MARCHF1: variants seen among roughly 807,000 people sequenced by gnomAD.
MARCHF1 encodes membrane associated ring-CH-type finger 1.
In MARCHF1, 40 loss-of-function variants were observed where a neutral mutation model predicts 54.2. The observed-to-expected ratio is 0.74, with a 90% confidence interval of 0.57 to 0.96. MARCHF1 has a LOEUF of 0.96. Ranked by LOEUF, MARCHF1 falls within the 40% of genes least tolerant of loss-of-function variation. The probability of loss-of-function intolerance (pLI) is 0.00; values close to 1 mark genes in which losing one functional copy is unlikely to be tolerated. For missense variants in MARCHF1, 586 were observed against 656.5 expected, an observed-to-expected ratio of 0.89 and a Z score of 1.17; for synonymous variants, 236 against 236.3, an observed-to-expected ratio of 1.00 and a Z score of 0.01.
chr4:164,097,520 T>G (rs1306653838), intron 2 of MARCHF1, among the ~76,000 whole-genome samples: 3 of 152,216 alleles, frequency 2.0e-5, no homozygotes, highest in Non-Finnish European at 2.9e-5. Context: ...TGCCTAGATC[T>G]TGTTAAGTTT....
chr4:163,529,445 G>T (rs2110855310), intron 9 of MARCHF1, among the ~76,000 whole-genome samples: 1 of 152,128 alleles, frequency 6.6e-6, no homozygotes, highest in Non-Finnish European at 1.5e-5. Flanking sequence ...CTTCTAAGAA[G>T]ATGAGGTATA....
At chr4:163,629,805 C>T (rs184695283) in intron 5 of MARCHF1, among the ~76,000 whole-genome samples, 15 of 152,288 alleles carry the variant, frequency 9.8e-5, no homozygotes, top group Non-Finnish European at 1.8e-4. Flanking sequence ...ACGTTCTGCA[C>T]ATGCATCCCA....
chr4:164,068,592 G>A (rs547901209), intron 2 of MARCHF1, among the ~76,000 whole-genome samples: 2 of 152,266 alleles, frequency 1.3e-5, no homozygotes, highest in African/African-American at 4.8e-5. Flanking sequence ...GCCTCCCTGC[G>A]GGGCAGCACT....
chr4:163,970,245 T>C (rs1026574907), intron 3 of MARCHF1, among the ~76,000 whole-genome samples: 1 of 152,220 alleles, frequency 6.6e-6, no homozygotes, highest in African/African-American at 2.4e-5. Context: ...AACCTCTATT[T>C]TTACTGCAAT....
At chr4:163,727,139 C>T (rs546995387) in intron 4 of MARCHF1, among the ~76,000 whole-genome samples, 142 of 152,122 alleles carry the variant, frequency 9.3e-4, no homozygotes, top group African/African-American at 3.3e-3. Context: ...AAAGTCATCA[C>T]CAAACCTAAG....
chr4:163,896,780 G>A (rs1055724114), intron 3 of MARCHF1, among the ~76,000 whole-genome samples: 1 of 152,302 alleles, frequency 6.6e-6, no homozygotes, highest in East Asian at 1.9e-4. Flanking sequence ...GCAATGATAA[G>A]CCTCTTTTCC....
chr4:163,982,316 T>C (rs1482178184), intron 3 of MARCHF1, among the ~76,000 whole-genome samples: 1 of 152,220 alleles, frequency 6.6e-6, no homozygotes, highest in African/African-American at 2.4e-5. Flanking sequence ...AGTGTCAGAT[T>C]CACACCTGCT....
At chr4:164,201,955 G>A (rs1236514808) in intron 1 of MARCHF1, among the ~76,000 whole-genome samples, 3 of 152,126 alleles carry the variant, frequency 2.0e-5, no homozygotes, top group African/African-American at 7.2e-5. Flanking sequence ...GATACTTTAT[G>A]TTTCTACTCA....
At chr4:164,029,416 T>C (rs1753831663) in intron 2 of MARCHF1, among the ~76,000 whole-genome samples, 1 of 151,730 alleles carries the variant, frequency 6.6e-6, no homozygotes, top group Non-Finnish European at 1.5e-5. Flanking sequence ...AAGGGAGAAA[T>C]CTGCCCCCAT....
intron 1 of MARCHF1, among the ~76,000 whole-genome samples, chr4:164,314,758 T>C (rs1734953250): frequency 6.6e-6 from 1 of 152,224 alleles, no homozygotes. Context: ...CTATTATTTC[T>C]TAGTTGTATA....
At chr4:163,994,979 T>C (rs1753046384) in intron 2 of MARCHF1, among the ~76,000 whole-genome samples, 1 of 152,088 alleles carries the variant, frequency 6.6e-6, no homozygotes, top group African/African-American at 2.4e-5. Flanking sequence ...GTAGGTTTTT[T>C]TCCCCACATA....
intron 2 of MARCHF1, among the ~76,000 whole-genome samples, chr4:164,030,359 T>G (rs1219374167): frequency 2.0e-5 from 3 of 152,172 alleles, no homozygotes; most frequent in Non-Finnish European, 2.9e-5. Context: ...GAAGCATTTT[T>G]AATATTCTTC....
At chr4:164,247,749 A>G (rs1044000389) in intron 1 of MARCHF1, among the ~76,000 whole-genome samples, 20 of 150,812 alleles carry the variant, frequency 1.3e-4, no homozygotes, top group Non-Finnish European at 2.7e-4. Flanking sequence ...GGTCATGGCT[A>G]AAGGTAACTG....
chr4:164,149,924 C>A (rs1178059446), intron 1 of MARCHF1, among the ~76,000 whole-genome samples: 1 of 152,058 alleles, frequency 6.6e-6, no homozygotes, highest in East Asian at 1.9e-4. Context: ...TCAGGGCTGG[C>A]CCACATGAAA....
Position 163,833,161 on chromosome 4 carries a change from G to A in MARCHF1, c.111+20860C>T, listed in dbSNP as rs576149791. 4.6e-5 allele frequency among the ~76,000 whole-genome samples: 7 copies of A among 152,172 alleles called. No homozygotes were observed. In the East Asian group the frequency reaches 5.8e-4, roughly 13 times the overall value. On this transcript the variant is annotated intron_variant, in intron 4 of 9. Transcript: ENST00000514618. ...TCTAGTTCTAGATCCCTGAGGAATC[G>A]CCACGCTGACTTCCACAATGGTTGA...
intron 8 of MARCHF1, among the ~76,000 whole-genome samples, chr4:163,553,634 T>C (rs1036252631): frequency 6.6e-6 from 1 of 152,240 alleles, no homozygotes; most frequent in Admixed American, 6.5e-5. Context: ...TAGGTTTTAA[T>C]ATATGCCCCA....
intron 5 of MARCHF1, among the ~76,000 whole-genome samples, chr4:163,624,705 A>G (rs1741810091): frequency 6.6e-6 from 1 of 152,202 alleles, no homozygotes; most frequent in South Asian, 2.1e-4. Context: ...GTAGCTTTAT[A>G]TATTCCCCAT....
At chr4:164,073,478 A>T (rs1188016224) in intron 2 of MARCHF1, among the ~76,000 whole-genome samples, 1 of 151,996 alleles carries the variant, frequency 6.6e-6, no homozygotes, top group East Asian at 1.9e-4. Context: ...GGGGAACATC[A>T]CACAGTGGGG....
intron 1 of MARCHF1, among the ~76,000 whole-genome samples, chr4:164,231,559 C>T (rs1732414442): frequency 1.3e-5 from 2 of 152,014 alleles, no homozygotes; most frequent in East Asian, 3.9e-4. Context: ...CTCAGAAGTG[C>T]TTGACACACA....
Sources: gnomAD v4.1 joint callset for allele counts (sites outside exome capture counted in the v4.1 genomes callset) on GRCh38, gnomAD v4.1.1 for gene constraint, MANE v1.5 for transcripts, NCBI Gene and HGNC (gene_info 2026-07-23, HGNC 2026-07-21) for gene names.